The following GNAQ variants were observed in gnomAD, a reference collection of about 807,000 sequenced individuals.
GNAQ encodes the protein G protein subunit alpha q.
Under a neutral mutation model 43.9 loss-of-function variants are expected in GNAQ, and 8 were observed. That is an observed-to-expected ratio of 0.18 (90% CI 0.11 to 0.33). The LOEUF (loss-of-function observed/expected upper bound fraction) is 0.33. Among genes scored for constraint, GNAQ ranks in the 10% least tolerant of loss-of-function variants. GNAQ has a pLI of 1.00. For missense variants in GNAQ, 158 were observed against 450.8 expected (o/e 0.35, Z 5.88); for synonymous variants, 155 against 170.7 (o/e 0.91, Z 0.71).
intron 2 of GNAQ, among the ~76,000 whole-genome samples, chr9:77,831,803 T>C (rs1225243959): frequency 6.6e-6 from 1 of 152,152 alleles, no homozygotes; most frequent in Non-Finnish European, 1.5e-5. Context: ...TAAATGAAAA[T>C]CTTTAAAGAA....
At chr9:77,728,721 A>G (rs1825439633) in intron 5 of GNAQ, 54 bp from the exon 6 acceptor site, 1 of 1,211,996 alleles carries the variant, frequency 8.3e-7, no homozygotes, top group Non-Finnish European at 1.2e-6. Context: ...ATGATTACTT[A>G]ATTTGTGAAT....
chr9:77,844,868 T>A (rs1332178416), intron 2 of GNAQ, among the ~76,000 whole-genome samples: 1 of 7,086 alleles, frequency 1.4e-4, no homozygotes, highest in African/African-American at 6.5e-4. Context: ...CAGACAGGGT[T>A]TTCACCATGT....
chr9:77,840,790 A>G (rs1046377523), intron 2 of GNAQ, among the ~76,000 whole-genome samples: 2 of 152,188 alleles, frequency 1.3e-5, no homozygotes, highest in African/African-American at 4.8e-5. Flanking sequence ...TCTCTAGGGA[A>G]GGGGTGAGAA....
intron 2 of GNAQ, among the ~76,000 whole-genome samples, chr9:77,895,139 A>G (rs2118127300): frequency 6.7e-6 from 1 of 149,290 alleles, no homozygotes; most frequent in East Asian, 2.1e-4. Context: ...TGGAGCTTGC[A>G]GTGAGCCAAG....
In GNAQ at chr9:77,754,032, G is replaced by C. The variant is rs554193697; in HGVS notation, c.736-25365C>G. On this transcript the variant is annotated intron_variant, in intron 5 of 6. Coordinates refer to ENST00000286548, the MANE Select transcript of GNAQ (RefSeq NM_002072.5). ...TGTAAGCTTTGATGATGGGACTGTT[G>C]AAAGTGATGCTGGAGAAGTGTAAAG... Among the ~76,000 whole-genome samples the C allele has an allele frequency of 2.8e-4, 43 of 152,262 alleles. 1 individual carries two copies. The South Asian group carries it at 8.5e-3, about 30-fold the overall frequency.
intron 5 of GNAQ, among the ~76,000 whole-genome samples, chr9:77,761,827 C>T (rs1293411839): frequency 5.3e-5 from 3 of 56,084 alleles, no homozygotes; most frequent in Non-Finnish European, 8.7e-5. Flanking sequence ...GCCCGGCCAG[C>T]CGCCCCGTCC....
At chr9:77,963,777 C>A (rs1244791356) in intron 1 of GNAQ, among the ~76,000 whole-genome samples, 2 of 152,128 alleles carry the variant, frequency 1.3e-5, no homozygotes, top group South Asian at 2.1e-4. Context: ...CAACAATGTT[C>A]CTACTCGTTC....
At chr9:77,951,790 T>C (rs184070870) in intron 1 of GNAQ, among the ~76,000 whole-genome samples, 1 of 152,146 alleles carries the variant, frequency 6.6e-6, no homozygotes, top group Admixed American at 6.5e-5. Context: ...TCTCGATGAG[T>C]TATCAGATCC....
At chr9:77,892,713 T>A (rs1203186681) in intron 2 of GNAQ, among the ~76,000 whole-genome samples, 1 of 152,206 alleles carries the variant, frequency 6.6e-6, no homozygotes, top group Admixed American at 6.5e-5. Context: ...AAACATATGC[T>A]ACTCATTCTC....
At chr9:77,936,195 TCTC>T (rs1829230010) in intron 1 of GNAQ, among the ~76,000 whole-genome samples, 1 of 152,172 alleles carries the variant, frequency 6.6e-6, no homozygotes, top group Non-Finnish European at 1.5e-5. Context: ...AAATTGAGCC[TCTC>T]CTCTTGTTCT....
chr9:77,776,495 TAA>T (rs1271897446), intron 5 of GNAQ, among the ~76,000 whole-genome samples: 2 of 152,172 alleles, frequency 1.3e-5, no homozygotes, highest in Non-Finnish European at 2.9e-5. Flanking sequence ...TAATAAAGGT[TAA>T]GTCAATCAAG....
intron 2 of GNAQ, among the ~76,000 whole-genome samples, chr9:77,841,751 C>T (rs775922101): frequency 4.6e-5 from 7 of 152,126 alleles, no homozygotes; most frequent in Non-Finnish European, 1.0e-4. Context: ...CACAGGACTA[C>T]GTTCATTATA....
chr9:77,929,246 G>C (rs554235876), intron 1 of GNAQ, among the ~76,000 whole-genome samples: 5 of 152,034 alleles, frequency 3.3e-5, no homozygotes, highest in African/African-American at 1.2e-4. Context: ...TTGGAGAAAA[G>C]GTGTGAGAAG....
At chr9:77,985,292 G>A (rs908835598) in intron 1 of GNAQ, among the ~76,000 whole-genome samples, 12 of 152,278 alleles carry the variant, frequency 7.9e-5, no homozygotes, top group Non-Finnish European at 1.5e-4. Flanking sequence ...CAATCTGGGT[G>A]ACAGAGAGAG....
At chr9:77,900,333 ACTG>A (rs1828582182) in intron 2 of GNAQ, among the ~76,000 whole-genome samples, 3 of 152,234 alleles carry the variant, frequency 2.0e-5, no homozygotes, top group Admixed American at 2.0e-4. Flanking sequence ...AAGATATTTT[ACTG>A]CAATAGAAGC....
At chr9:77,725,377 T>C (rs1031134062) in intron 6 of GNAQ, among the ~76,000 whole-genome samples, 2 of 152,148 alleles carry the variant, frequency 1.3e-5, no homozygotes, top group African/African-American at 4.8e-5. Context: ...GTGAAATTTA[T>C]AATACTATAA....
At chr9:77,940,337 T>G (rs1191125895) in intron 1 of GNAQ, among the ~76,000 whole-genome samples, 2 of 152,178 alleles carry the variant, frequency 1.3e-5, no homozygotes, top group Non-Finnish European at 2.9e-5. Flanking sequence ...CCCAGCACTT[T>G]TAGGAGGCCA....
intron 2 of GNAQ, among the ~76,000 whole-genome samples, chr9:77,851,490 T>C (rs1399476138): frequency 6.6e-6 from 1 of 152,208 alleles, no homozygotes; most frequent in Non-Finnish European, 1.5e-5. Flanking sequence ...GTCATTCTTG[T>C]CTTCACAGAG....
intron 1 of GNAQ, among the ~76,000 whole-genome samples, chr9:77,927,335 G>C (rs1013429729): frequency 1.3e-5 from 2 of 152,086 alleles, no homozygotes; most frequent in Middle Eastern, 3.2e-3. Flanking sequence ...GAAAGCAATC[G>C]TGGACTCATT....
Sources: allele counts gnomAD v4.1 joint callset (sites outside exome capture counted in the v4.1 genomes callset), GRCh38; gene constraint gnomAD v4.1.1; transcripts MANE v1.5; gene names NCBI Gene and HGNC (gene_info 2026-07-23, HGNC 2026-07-21).